The following ST8SIA1 variants were observed in gnomAD, a reference collection of about 807,000 sequenced individuals.
ST8SIA1 encodes ST8 alpha-N-acetyl-neuraminide alpha-2,8-sialyltransferase 1.
Under a neutral mutation model 35.9 loss-of-function variants are expected in ST8SIA1, and 16 were observed. The ratio of observed to expected loss-of-function variants is 0.45; its 90% CI spans 0.30 to 0.68. The LOEUF (loss-of-function observed/expected upper bound fraction) is 0.68. Among genes scored for constraint, ST8SIA1 ranks in the 30% least tolerant of loss-of-function variants. The probability of loss-of-function intolerance (pLI) is 0.09; values close to 1 mark genes in which losing one functional copy is unlikely to be tolerated. For synonymous variants in ST8SIA1, 170 were observed against 169.6 expected, an observed-to-expected ratio of 1.00 and a Z score of -0.02; for missense variants, 383 against 453.6, an observed-to-expected ratio of 0.84 and a Z score of 1.41.
At chr12:22,261,480 T>C (rs1865791111) in intron 2 of ST8SIA1, among the ~76,000 whole-genome samples, 1 of 152,192 alleles carries the variant, frequency 6.6e-6, no homozygotes, top group South Asian at 2.1e-4. Context: ...TTTAATAACA[T>C]ATTTGTGTAG....
chr12:22,272,426 A>G (rs2135807004), intron 2 of ST8SIA1, among the ~76,000 whole-genome samples: 1 of 152,266 alleles, frequency 6.6e-6, no homozygotes, highest in South Asian at 2.1e-4. Flanking sequence ...GGATGAAACC[A>G]TTTTCTTATT....
chr12:22,296,796 T>A (rs1866250259), intron 1 of ST8SIA1, among the ~76,000 whole-genome samples: 1 of 152,070 alleles, frequency 6.6e-6, no homozygotes, highest in Admixed American at 6.6e-5. Flanking sequence ...GGCAGGTCCA[T>A]CCACTCAGAG....
At chr12:22,331,470 C>T (rs781366525) in intron 1 of ST8SIA1, among the ~76,000 whole-genome samples, 2 of 152,186 alleles carry the variant, frequency 1.3e-5, no homozygotes, top group Non-Finnish European at 2.9e-5. Context: ...AATAAATGCA[C>T]CTATATCTCA....
At chr12:22,293,344 G>A (rs542547351) in intron 1 of ST8SIA1, among the ~76,000 whole-genome samples, 1 of 152,306 alleles carries the variant, frequency 6.6e-6, no homozygotes, top group African/African-American at 2.4e-5. Flanking sequence ...GTTTGGTAAG[G>A]TTTCAAATTT....
At chr12:22,285,391 A>AT (rs1163806758) in intron 2 of ST8SIA1, among the ~76,000 whole-genome samples, 1 of 152,096 alleles carries the variant, frequency 6.6e-6, no homozygotes, top group African/African-American at 2.4e-5. Context: ...TCTTCCAATG[A>AT]TTTTTTTAAA....
chr12:22,242,764 C>T (rs1865554843), intron 4 of ST8SIA1, among the ~76,000 whole-genome samples: 2 of 152,166 alleles, frequency 1.3e-5, no homozygotes, highest in South Asian at 4.1e-4. Flanking sequence ...TGCCTTCCAC[C>T]TGCAAAGGCC....
intron 4 of ST8SIA1, among the ~76,000 whole-genome samples, chr12:22,204,933 G>GT (rs771060634): frequency 7.2e-5 from 11 of 152,142 alleles, no homozygotes; most frequent in Non-Finnish European, 1.5e-4. Context: ...TGGTGCTCCA[G>GT]TTTGTCTCTC....
chr12:22,296,092 A>G (rs1866239613), intron 1 of ST8SIA1, among the ~76,000 whole-genome samples: 1 of 152,172 alleles, frequency 6.6e-6, no homozygotes, highest in South Asian at 2.1e-4. Context: ...AAATCATTCC[A>G]GATAGATCAA....
intron 4 of ST8SIA1, among the ~76,000 whole-genome samples, chr12:22,204,779 A>G (rs1414071597): frequency 6.6e-6 from 1 of 152,218 alleles, no homozygotes; most frequent in African/African-American, 2.4e-5. Flanking sequence ...GTGACAAATG[A>G]CATTATTATT....
At chr12:22,330,186 C>A (rs1866743141) in intron 1 of ST8SIA1, among the ~76,000 whole-genome samples, 1 of 152,190 alleles carries the variant, frequency 6.6e-6, no homozygotes, top group Non-Finnish European at 1.5e-5. Flanking sequence ...TGGAGGCTTA[C>A]TCCAAACACC....
chr12:22,294,115 G>T (rs1866214592), intron 1 of ST8SIA1, among the ~76,000 whole-genome samples: 1 of 152,096 alleles, frequency 6.6e-6, no homozygotes, highest in African/African-American at 2.4e-5. Flanking sequence ...AGTGGCAGAA[G>T]CTGCTCTGAA....
At chr12:22,273,152 C>T (rs908858981) in intron 2 of ST8SIA1, among the ~76,000 whole-genome samples, 1 of 152,174 alleles carries the variant, frequency 6.6e-6, no homozygotes, top group African/African-American at 2.4e-5. Flanking sequence ...GAAACCCCAC[C>T]TCCAAGTTGC....
At chr12:22,227,598 C>CA (rs1053904921) in intron 4 of ST8SIA1, among the ~76,000 whole-genome samples, 1 of 151,676 alleles carries the variant, frequency 6.6e-6, no homozygotes. Context: ...CAAAAACACA[C>CA]AAAAAAAATG....
chr12:22,272,722 G>GAGCA (rs1481224445), intron 2 of ST8SIA1, among the ~76,000 whole-genome samples: 3 of 152,234 alleles, frequency 2.0e-5, no homozygotes, highest in Non-Finnish European at 4.4e-5. Flanking sequence ...AAAGACTGAA[G>GAGCA]AGCACCAAGG....
intron 4 of ST8SIA1, among the ~76,000 whole-genome samples, chr12:22,224,784 T>C (rs1865337045): frequency 6.6e-6 from 1 of 152,248 alleles, no homozygotes; most frequent in Non-Finnish European, 1.5e-5. Context: ...TTACATTTAA[T>C]GTGTGAATCT....
At chr12:22,239,733 G>A (rs185717027) in intron 4 of ST8SIA1, among the ~76,000 whole-genome samples, 84 of 152,276 alleles carry the variant, frequency 5.5e-4, no homozygotes, top group African/African-American at 1.9e-3. Flanking sequence ...GCTATCATTT[G>A]TTTGAACATA....
intron 3 of ST8SIA1, among the ~76,000 whole-genome samples, chr12:22,249,343 C>CGAGT (rs1865641552): frequency 6.6e-6 from 1 of 151,638 alleles, no homozygotes; most frequent in African/African-American, 2.4e-5. Flanking sequence ...CTCAGCCTCC[C>CGAGT]GAGTAGCTGG....
chr12:22,305,717 A>G (rs973443019), intron 1 of ST8SIA1, among the ~76,000 whole-genome samples: 2 of 152,108 alleles, frequency 1.3e-5, no homozygotes, highest in African/African-American at 4.8e-5. Context: ...TGACCAAGCA[A>G]TCTCATACTT....
chr12:22,248,936 C>A (rs995897188), intron 4 of ST8SIA1, 70 bp downstream of exon 4: 24 of 1,162,078 alleles, frequency 2.1e-5, no homozygotes, highest in Non-Finnish European at 2.7e-5. Flanking sequence ...ATGCTCACTG[C>A]CTTTGAAATG....
Sources: gnomAD v4.1 joint callset for allele counts (sites outside exome capture counted in the v4.1 genomes callset) on GRCh38, gnomAD v4.1.1 for gene constraint, MANE v1.5 for transcripts, NCBI Gene and HGNC (gene_info 2026-07-23, HGNC 2026-07-21) for gene names.